NAALADL2: variants seen among roughly 807,000 people sequenced by gnomAD.
The protein encoded by NAALADL2 is N-acetylated alpha-linked acidic dipeptidase like 2, also known as inactive N-acetylated-alpha-linked acidic dipeptidase-like protein 2.
A neutral mutation model predicts 87.2 loss-of-function variants in NAALADL2; 76 were observed. That is an observed-to-expected ratio of 0.87 (90% CI 0.72 to 1.05). The LOEUF is 1.05. NAALADL2 is among the 50% of genes least tolerant of loss of function. The pLI is 0.00. For missense variants in NAALADL2, 1,089 were observed against 945.8 expected (o/e 1.15, Z -1.99); for synonymous variants, 354 against 331.0 (o/e 1.07, Z -0.75).
At chr3:174,624,193 A>G (rs1024377935) in intron 2 of NAALADL2, among the ~76,000 whole-genome samples, 1 of 152,180 alleles carries the variant, frequency 6.6e-6, no homozygotes, top group Non-Finnish European at 1.5e-5. Context: ...ACTGAAAAAA[A>G]ATGGTAGAAA....
intron 10 of NAALADL2, among the ~76,000 whole-genome samples, chr3:175,615,789 G>C (rs1452293956): frequency 6.6e-6 from 1 of 151,164 alleles, no homozygotes; most frequent in East Asian, 1.9e-4. Context: ...CTCAGGATGC[G>C]GTGGGTGCAG....
intron 6 of NAALADL2, among the ~76,000 whole-genome samples, chr3:175,450,299 C>T (rs1721374279): frequency 6.6e-6 from 1 of 151,950 alleles, no homozygotes; most frequent in African/African-American, 2.4e-5. Flanking sequence ...AACAGCAATG[C>T]TTATTATTTA....
intron 5 of NAALADL2, among the ~76,000 whole-genome samples, chr3:175,428,955 T>C (rs1217085723): frequency 1.3e-5 from 2 of 152,062 alleles, no homozygotes; most frequent in Non-Finnish European, 2.9e-5. Flanking sequence ...TTTTGATTGC[T>C]TGTGGTTACA....
At chr3:175,061,331 A>G (rs74352576) in intron 1 of NAALADL2, among the ~76,000 whole-genome samples, 17,567 of 152,244 alleles carry the variant, frequency 0.12, 1,156 homozygotes, top group East Asian at 0.22. Context: ...AAGCAGAATT[A>G]TGATCAGCTG....
chr3:174,545,689 A>C (rs572754521), intron 1 of NAALADL2, among the ~76,000 whole-genome samples: 1 of 151,928 alleles, frequency 6.6e-6, no homozygotes, highest in East Asian at 1.9e-4. Flanking sequence ...CTATTGTGAT[A>C]TTCTTTCCTG....
chr3:174,455,232 A>G (rs546588615), intron 1 of NAALADL2, among the ~76,000 whole-genome samples: 1 of 152,282 alleles, frequency 6.6e-6, no homozygotes, highest in South Asian at 2.1e-4. Flanking sequence ...TGTATCAGTA[A>G]TAAGTAGCCT....
intron 2 of NAALADL2, among the ~76,000 whole-genome samples, chr3:175,147,129 C>A (rs1730865690): frequency 1.3e-5 from 2 of 152,142 alleles, no homozygotes; most frequent in Non-Finnish European, 2.9e-5. Context: ...AAGGGATACA[C>A]ATGCAGGTTT....
intron 4 of NAALADL2, among the ~76,000 whole-genome samples, chr3:175,297,788 AT>A (rs1756565073): frequency 6.6e-6 from 1 of 152,180 alleles, no homozygotes; most frequent in Non-Finnish European, 1.5e-5. Flanking sequence ...GCACATACCC[AT>A]AACAATGTAG....
At chr3:174,569,214 G>C (rs1461380154) in intron 2 of NAALADL2, among the ~76,000 whole-genome samples, 1 of 151,790 alleles carries the variant, frequency 6.6e-6, no homozygotes, top group Non-Finnish European at 1.5e-5. Flanking sequence ...CTTTGGAAGA[G>C]TAATAACGTT....
chr3:175,258,180 C>T (rs948580496), intron 4 of NAALADL2, among the ~76,000 whole-genome samples: 5 of 151,850 alleles, frequency 3.3e-5, no homozygotes, highest in South Asian at 2.1e-4. Context: ...TGGTGGCGGG[C>T]GCCTGTAGTC....
chr3:174,976,614 T>C (rs1026039556), intron 1 of NAALADL2, among the ~76,000 whole-genome samples: 2 of 152,230 alleles, frequency 1.3e-5, no homozygotes, highest in South Asian at 4.1e-4. Flanking sequence ...TTATATTTGC[T>C]GCACTCTGCA....
At chr3:174,831,689 G>C (rs1034422115) in intron 3 of NAALADL2, among the ~76,000 whole-genome samples, 4 of 151,198 alleles carry the variant, frequency 2.6e-5, no homozygotes, top group African/African-American at 9.7e-5. Context: ...AATGGTACCA[G>C]TTCCTCCTTG....
intron 4 of NAALADL2, among the ~76,000 whole-genome samples, chr3:175,273,361 C>A (rs901689328): frequency 2.0e-5 from 3 of 151,958 alleles, no homozygotes; most frequent in African/African-American, 4.8e-5. Context: ...TGCAAGTAAC[C>A]AAGGCAATTT....
intron 2 of NAALADL2, among the ~76,000 whole-genome samples, chr3:174,611,295 C>G (rs1000277031): frequency 6.6e-6 from 1 of 151,558 alleles, no homozygotes; most frequent in South Asian, 2.1e-4. Context: ...TGCACATGTA[C>G]CCTAAAACTT....
At chr3:175,328,949 A>G (rs1389381800) in intron 5 of NAALADL2, among the ~76,000 whole-genome samples, 1 of 152,224 alleles carries the variant, frequency 6.6e-6, no homozygotes, top group Non-Finnish European at 1.5e-5. Context: ...ATTTCTCAGC[A>G]GTAAGATTGT....
intron 3 of NAALADL2, among the ~76,000 whole-genome samples, chr3:174,852,985 C>T (rs986682678): frequency 6.6e-6 from 1 of 151,854 alleles, no homozygotes; most frequent in Non-Finnish European, 1.5e-5. Context: ...ATGAATGATG[C>T]TGGGGAAACT....
At chr3:175,606,986 A>G (rs2149660018) in intron 10 of NAALADL2, among the ~76,000 whole-genome samples, 1 of 152,272 alleles carries the variant, frequency 6.6e-6, no homozygotes, top group East Asian at 1.9e-4. Context: ...ATACCACACC[A>G]AGTGGAGAGA....
intron 2 of NAALADL2, among the ~76,000 whole-genome samples, chr3:174,635,193 A>G (rs1037178870): frequency 2.0e-5 from 3 of 152,174 alleles, no homozygotes; most frequent in African/African-American, 7.2e-5. Flanking sequence ...CTTCATTTTG[A>G]ACATCAGGTA....
chr3:175,737,542 T>C, intron 12 of NAALADL2, 143 bp downstream of exon 12: 1 of 579,830 alleles, frequency 1.7e-6, no homozygotes, highest in Non-Finnish European at 3.0e-6. Flanking sequence ...GGGAAGGACC[T>C]GGAAGAATTT....
Sources: gnomAD v4.1 joint callset for allele counts (sites outside exome capture counted in the v4.1 genomes callset) on GRCh38, gnomAD v4.1.1 for gene constraint, MANE v1.5 for transcripts, NCBI Gene and HGNC (gene_info 2026-07-23, HGNC 2026-07-21) for gene names.